The following RPIA variants were observed in gnomAD, a reference collection of about 807,000 sequenced individuals.
RPIA encodes ribose 5-phosphate isomerase A, also known as ribose-5-phosphate isomerase.
RPIA carries 29 observed loss-of-function variants against 37.8 expected under a neutral mutation model. That is an observed-to-expected ratio of 0.77 (90% confidence interval 0.57 to 1.05). The LOEUF is 1.05. Ranked by LOEUF, RPIA falls within the 50% of genes least tolerant of loss-of-function variation. RPIA has a pLI of 0.00. For missense variants in RPIA, 385 were observed against 413.6 expected (o/e 0.93, Z 0.60); for synonymous variants, 167 against 157.0 (o/e 1.06, Z -0.48).
chr2:88,695,245 A>G (rs1672718827), intron 1 of RPIA, among the ~76,000 whole-genome samples: 2 of 152,194 alleles, frequency 1.3e-5, no homozygotes, highest in Non-Finnish European at 2.9e-5. Context: ...AGTGTTGTGG[A>G]AACTCCAACT....
chr2:88,737,398 C>T (rs989466816), intron 7 of RPIA, among the ~76,000 whole-genome samples: 5 of 152,014 alleles, frequency 3.3e-5, no homozygotes, highest in East Asian at 1.9e-4. Context: ...AAAAAAAAAC[C>T]GTAGTTCTGT....
chr2:88,738,212 G>A (rs1438258195), intron 8 of RPIA, 136 bp downstream of exon 8: 5 of 714,798 alleles, frequency 7.0e-6, no homozygotes, highest in East Asian at 5.5e-5. Context: ...TTTATACCAT[G>A]TTTGGGTTTT....
At chr2:88,703,665 G>T (rs541303823) in intron 3 of RPIA, among the ~76,000 whole-genome samples, 151 of 152,322 alleles carry the variant, frequency 9.9e-4, no homozygotes, top group African/African-American at 3.4e-3. Flanking sequence ...GGTGTGTGAT[G>T]GGAGGGGCTT....
At chr2:88,742,991 C>T (rs1673401260) in intron 8 of RPIA, among the ~76,000 whole-genome samples, 1 of 152,054 alleles carries the variant, frequency 6.6e-6, no homozygotes, top group Non-Finnish European at 1.5e-5. Flanking sequence ...TATTAGTGAA[C>T]AGCAACCGTT....
chr2:88,737,697 C>T (rs1403526518), intron 7 of RPIA, among the ~76,000 whole-genome samples: 2 of 151,682 alleles, frequency 1.3e-5, no homozygotes, highest in East Asian at 3.9e-4. Context: ...GTGACATGGT[C>T]ACATAGTCAT....
chr2:88,750,218 A>T lies in RPIA; in HGVS notation c.*140A>T. On this transcript the variant is annotated 3_prime_UTR_variant, in exon 9 of 9. Transcript: ENST00000283646. ...GGGTGGGGGGAAGAGTGGGAGGGGG[A>T]GTTAAATCCAGTCTTATGAAGTATT... is the stretch of plus-strand genomic sequence containing the variant. 1 of 654,642 alleles carries T rather than the reference A, an allele frequency of 1.5e-6. No homozygotes were observed. The highest frequency in any genetic ancestry group is 2.9e-5 in the East Asian group (1 of 34,826). The allele number at this position is 654,642 out of a possible 1,614,324, so 40.6% of individuals were successfully genotyped here.
chr2:88,725,706 C>T (rs1673187874), intron 3 of RPIA, among the ~76,000 whole-genome samples: 1 of 152,218 alleles, frequency 6.6e-6, no homozygotes, highest in Non-Finnish European at 1.5e-5. Context: ...TTCTGAAGTA[C>T]TGAGGCTTAG....
chr2:88,701,412 G>A (rs895274731), intron 3 of RPIA, among the ~76,000 whole-genome samples: 9 of 151,840 alleles, frequency 5.9e-5, no homozygotes, highest in African/African-American at 1.2e-4. Flanking sequence ...AATTACATTG[G>A]TGTTTATTTT....
At position 88,736,549 on chromosome 2, in the gene RPIA, A is replaced by C. The variant is rs1165632324; in HGVS notation, c.611A>C (p.Asn204Thr). Residue 204 changes from asparagine to threonine, a missense_variant, in exon 7 of 9, where the codon AAT (asparagine) becomes ACT (threonine). Physicochemically the swap from Asn to Thr is moderately conservative, Grantham distance 65. This residue lies in a region of RPIA where 153 missense variants were observed against 210.6 expected (regional missense o/e 0.73). Transcript: ENST00000283646. ...VIADFRKDSKNLGDQWHKGIP... is the reference protein window; with the variant it reads ...VIADFRKDSKTLGDQWHKGIP... Reference sequence around the variant, plus strand: ...CTTCTTTCCAGGAAAGATTCGAAGAATCTCGGGGATCAGTGGCACAAGGGA... The same window carrying C: ...CTTCTTTCCAGGAAAGATTCGAAGACTCTCGGGGATCAGTGGCACAAGGGA... The C allele has an allele frequency of 6.2e-7, 1 of 1,614,086 alleles. No individual in the cohort carries two copies. Among genetic ancestry groups the C allele is most frequent in the Non-Finnish European group, 8.5e-7 (1 of 1,180,016 alleles).
chr2:88,741,936 A>G (rs1453136772), intron 8 of RPIA, among the ~76,000 whole-genome samples: 1 of 151,936 alleles, frequency 6.6e-6, no homozygotes, highest in East Asian at 1.9e-4. Context: ...TGAGTTCCTT[A>G]TATATTCTAG....
chr2:88,692,832 T>C (rs183203392), intron 1 of RPIA, among the ~76,000 whole-genome samples: 1 of 152,232 alleles, frequency 6.6e-6, no homozygotes, highest in African/African-American at 2.4e-5. Flanking sequence ...GTTCTTTACA[T>C]TTGTTAATGC....
intron 3 of RPIA, among the ~76,000 whole-genome samples, chr2:88,727,839 A>G (rs934036757): frequency 9.2e-5 from 14 of 152,220 alleles, no homozygotes; most frequent in African/African-American, 3.1e-4. Flanking sequence ...TTTCTCTTTG[A>G]TAAGTTCAAA....
At position 88,721,391 on chromosome 2, in the gene RPIA, A is replaced by G. The variant is rs1387774850; in HGVS notation, c.403-7887A>G. Among the ~76,000 whole-genome samples the G allele has an allele frequency of 3.3e-5, 5 of 149,632 alleles. 1 individual carries two copies. The Middle Eastern group carries it at 0.011, about 321-fold the overall frequency. On this transcript the variant is annotated intron_variant, in intron 3 of 8. Coordinates refer to ENST00000283646, the MANE Select transcript of RPIA (RefSeq NM_144563.3). ...TAAAAAAAAGAAAATAAATTTAATA[A>G]TTATACTTTAATACTTATAAATATA...
intron 3 of RPIA, among the ~76,000 whole-genome samples, chr2:88,726,700 A>G (rs1673201036): frequency 6.6e-6 from 1 of 152,212 alleles, no homozygotes; most frequent in Middle Eastern, 3.2e-3. Flanking sequence ...CCAGGACATG[A>G]CAGCTATTTT....
intron 3 of RPIA, among the ~76,000 whole-genome samples, chr2:88,720,959 C>G (rs1446055214): frequency 6.6e-6 from 1 of 152,150 alleles, no homozygotes; most frequent in Non-Finnish European, 1.5e-5. Flanking sequence ...AGACTTGGAA[C>G]CAGCCCAAAT....
intron 3 of RPIA, among the ~76,000 whole-genome samples, chr2:88,721,187 G>A (rs1311683276): frequency 1.3e-5 from 2 of 151,960 alleles, no homozygotes; most frequent in African/African-American, 2.4e-5. Flanking sequence ...GATACAGGGA[G>A]GGGAACATCA....
intron 4 of RPIA, 115 bp from the exon 5 acceptor site, chr2:88,734,437 G>A (rs1673290666): frequency 1.1e-6 from 1 of 943,678 alleles, no homozygotes; most frequent in Non-Finnish European, 1.7e-6. Flanking sequence ...CTAAATGGGA[G>A]TACTAGAATT....
chr2:88,704,194 A>G (rs1672870945), intron 3 of RPIA, among the ~76,000 whole-genome samples: 1 of 152,208 alleles, frequency 6.6e-6, no homozygotes, highest in Admixed American at 6.5e-5. Context: ...CCAGTTCTAA[A>G]GTCACTTCCA....
chr2:88,716,155 A>T (rs961711303), intron 3 of RPIA, among the ~76,000 whole-genome samples: 6 of 152,246 alleles, frequency 3.9e-5, no homozygotes, highest in East Asian at 1.9e-4. Context: ...ACTGAGCTAG[A>T]CTAAATTGTG....
Sources: allele counts gnomAD v4.1 joint callset (sites outside exome capture counted in the v4.1 genomes callset), GRCh38; gene constraint gnomAD v4.1.1; regional missense constraint gnomAD v4.1.1; transcripts MANE v1.5; gene names NCBI Gene and HGNC (gene_info 2026-07-23, HGNC 2026-07-21).